ARID2: variants seen among roughly 807,000 people sequenced by gnomAD.
The protein encoded by ARID2 is AT-rich interaction domain 2, also known as AT-rich interactive domain-containing protein 2.
Under a neutral mutation model 184.6 loss-of-function variants are expected in ARID2, and 32 were observed. The ratio of observed to expected loss-of-function variants is 0.17; its 90% CI spans 0.13 to 0.23. The LOEUF (loss-of-function observed/expected upper bound fraction) is 0.23, where lower values mean the gene tolerates loss of function less well. Among genes scored for constraint, ARID2 ranks in the 10% least tolerant of loss-of-function variants. ARID2 has a pLI of 1.00. For synonymous variants in ARID2, 836 were observed against 772.6 expected (o/e 1.08, Z -1.36); for missense variants, 1,696 against 2,197.6 (o/e 0.77, Z 4.56).
At chr12:45,811,761 T>C (rs1942713002) in intron 4 of ARID2, among the ~76,000 whole-genome samples, 1 of 152,232 alleles carries the variant, frequency 6.6e-6, no homozygotes, top group African/African-American at 2.4e-5. Context: ...TTTTTAGTTA[T>C]AAAACACTTT....
chr12:45,809,371 T>C (rs1326336784), intron 3 of ARID2, among the ~76,000 whole-genome samples: 1 of 152,232 alleles, frequency 6.6e-6, no homozygotes, highest in African/African-American at 2.4e-5. Flanking sequence ...CAGTGTACTT[T>C]TTATGTCTAC....
intron 16 of ARID2, among the ~76,000 whole-genome samples, chr12:45,883,441 A>G (rs563112901): frequency 2.4e-4 from 36 of 150,638 alleles, no homozygotes; most frequent in Non-Finnish European, 3.5e-4. Context: ...AGAATCTAGT[A>G]TGTACTTCAG....
chr12:45,739,626 A>G (rs926925491), intron 3 of ARID2, among the ~76,000 whole-genome samples: 6 of 151,832 alleles, frequency 4.0e-5, no homozygotes, highest in African/African-American at 1.2e-4. Flanking sequence ...GTCATACTTG[A>G]TAAGTATTTA....
chr12:45,760,486 C>T (rs1327017116), intron 3 of ARID2, among the ~76,000 whole-genome samples: 2 of 151,324 alleles, frequency 1.3e-5, no homozygotes, highest in Non-Finnish European at 2.9e-5. Context: ...GTTTTTTCTG[C>T]GTGTGTGTTT....
At chr12:45,863,936 A>T (rs1943793990) in intron 16 of ARID2, among the ~76,000 whole-genome samples, 1 of 148,324 alleles carries the variant, frequency 6.7e-6, no homozygotes, top group Non-Finnish European at 1.5e-5. Context: ...GCTCATTGCA[A>T]CCTCTGTCTT....
At chr12:45,783,720 C>T (rs138489964) in intron 3 of ARID2, among the ~76,000 whole-genome samples, 160 of 152,312 alleles carry the variant, frequency 1.1e-3, no homozygotes, top group African/African-American at 3.4e-3. Flanking sequence ...GCTGGCTTGC[C>T]ACTCACCTCC....
At chr12:45,750,104 C>A (rs1033254577) in intron 3 of ARID2, among the ~76,000 whole-genome samples, 18 of 152,162 alleles carry the variant, frequency 1.2e-4, no homozygotes, top group African/African-American at 4.3e-4. Context: ...CCTCATTAAG[C>A]GTAATCATTT....
At chr12:45,747,751 T>C (rs1240063996) in intron 3 of ARID2, among the ~76,000 whole-genome samples, 1 of 152,220 alleles carries the variant, frequency 6.6e-6, no homozygotes, top group Non-Finnish European at 1.5e-5. Context: ...TGTAGAATAT[T>C]AATTAACATT....
intron 3 of ARID2, 143 bp from the exon 4 acceptor site, chr12:45,811,275 C>A: frequency 1.2e-6 from 1 of 810,468 alleles, no homozygotes; most frequent in Non-Finnish European, 1.8e-6. Context: ...ACTGGAGTTA[C>A]TGTTCTAATA....
chr12:45,736,959 A>G (rs1272696821), intron 3 of ARID2, among the ~76,000 whole-genome samples: 1 of 152,222 alleles, frequency 6.6e-6, no homozygotes, highest in African/African-American at 2.4e-5. Context: ...CAAAACTGCA[A>G]TTACTTGTGC....
intron 3 of ARID2, among the ~76,000 whole-genome samples, chr12:45,774,995 T>C (rs149115195): frequency 2.5e-4 from 38 of 152,236 alleles, no homozygotes; most frequent in African/African-American, 8.7e-4. Context: ...ATTTAGTGAA[T>C]AGTGGCTAGG....
rs2138181644 is a variant in ARID2 at position 45,852,814 on chromosome 12, C to G, written c.4691C>G (p.Thr1564Ser). Residue 1564 changes from threonine (T) to serine (S), a missense_variant, in exon 15 of 21, where the codon ACT (threonine) becomes AGT (serine). This residue lies in a region of ARID2 where 111 missense variants were observed against 154.0 expected (regional missense o/e 0.72). Transcript: ENST00000334344. ...VAVPAGADPS[T>S]VAKVAIESAV... Reference sequence around the variant, plus strand: ...GTGCCAGCAGGAGCAGATCCAAGCACTGTAGCTAAAGTAGCAATAGAAAGT... The same window carrying G: ...GTGCCAGCAGGAGCAGATCCAAGCAGTGTAGCTAAAGTAGCAATAGAAAGT... 6.2e-7 allele frequency: 1 copy of G among 1,614,050 alleles called. No homozygotes were observed. The highest frequency in any genetic ancestry group is 2.2e-5 in the East Asian group (1 of 44,870).
chr12:45,786,238 TTAAAG>T lies in ARID2; in HGVS notation c.285-25177_285-25173del, dbSNP rs376139450. 2.3e-3 allele frequency among the ~76,000 whole-genome samples: 344 copies of T among 152,304 alleles called. 12 individuals are homozygous for T. In the South Asian group the frequency reaches 0.068, roughly 30 times the overall value. ...TAAGTCCTTTGATCCTTTTGGTTGC[TTAAAG>T]TAGAGGACAAATCTAGCCCAATGTT... On this transcript the variant is annotated intron_variant, in intron 3 of 20. Transcript: ENST00000334344.
At chr12:45,789,642 T>G (rs1451508890) in intron 3 of ARID2, 1 of 152,198 alleles carries the variant, frequency 6.6e-6, no homozygotes, top group East Asian at 1.9e-4. Context: ...AGAAATGTAT[T>G]AATCTCCCAC....
At chr12:45,760,083 T>C (rs958508785) in intron 3 of ARID2, among the ~76,000 whole-genome samples, 2 of 152,210 alleles carry the variant, frequency 1.3e-5, no homozygotes, top group Admixed American at 6.5e-5. Flanking sequence ...GACATGAATT[T>C]TGTCATTCAT....
In ARID2 at chr12:45,836,924, C is replaced by G. The variant is rs1198993387; in HGVS notation, c.956C>G (p.Ser319Cys). 1.2e-6 allele frequency: 2 copies of G among 1,614,090 alleles called. No individual in the cohort carries two copies. The highest frequency in any genetic ancestry group is 1.7e-6 in the Non-Finnish European group (2 of 1,179,980). The change falls in exon 8 of 21, where the codon TCT (serine) becomes TGT (cysteine). Residue 319 changes from serine (S) to cysteine (C), a missense_variant. Around this residue, in one of 11 missense-constraint regions of ARID2, gnomAD observed 86 missense variants for 200.8 expected, o/e 0.43. Coordinates refer to ENST00000334344, the MANE Select transcript of ARID2 (RefSeq NM_152641.4). ...NRTCLRFLLL[S>C]AHSHFISLRQ... is the part of the protein sequence containing the mutation. ...ACCTGTCTTCGTTTCCTATTACTTT[C>G]TGCACATAGTCATTTTATTTCTTTA...
At chr12:45,863,668 T>C (rs891555280) in intron 16 of ARID2, among the ~76,000 whole-genome samples, 1 of 152,034 alleles carries the variant, frequency 6.6e-6, no homozygotes, top group African/African-American at 2.4e-5. Context: ...ACCTATATAT[T>C]ATTGTAAACT....
At chr12:45,759,991 T>C (rs1846785690) in intron 3 of ARID2, among the ~76,000 whole-genome samples, 1 of 152,232 alleles carries the variant, frequency 6.6e-6, no homozygotes, top group African/African-American at 2.4e-5. Context: ...TCTTTTCAAA[T>C]TAATTTCTCT....
At chr12:45,797,626 T>C (rs973234570) in intron 3 of ARID2, among the ~76,000 whole-genome samples, 1 of 152,096 alleles carries the variant, frequency 6.6e-6, no homozygotes, top group Non-Finnish European at 1.5e-5. Flanking sequence ...TTTAATATTA[T>C]AAATATATTG....
Sources: allele counts gnomAD v4.1 joint callset (sites outside exome capture counted in the v4.1 genomes callset), GRCh38; gene constraint gnomAD v4.1.1; regional missense constraint gnomAD v4.1.1; transcripts MANE v1.5; gene names NCBI Gene and HGNC (gene_info 2026-07-23, HGNC 2026-07-21).